Variants in ST18 observed in about 807,000 individuals in gnomAD.
The protein encoded by ST18 is suppression of tumorigenicity 18 protein.
Under a neutral mutation model 110.0 loss-of-function variants are expected in ST18, and 50 were observed. The ratio of observed to expected loss-of-function variants is 0.45; its 90% CI spans 0.36 to 0.58. The LOEUF (loss-of-function observed/expected upper bound fraction) is 0.58, where lower values mean the gene tolerates loss of function less well. Ranked by LOEUF, ST18 falls within the 20% of genes least tolerant of loss-of-function variation. ST18 has a pLI of 0.00. For synonymous variants in ST18, 461 were observed against 452.4 expected (o/e 1.02, Z -0.24); for missense variants, 1,306 against 1,280.1 (o/e 1.02, Z -0.31).
intron 8 of ST18, among the ~76,000 whole-genome samples, chr8:52,211,753 C>T (rs2082244251): frequency 6.6e-6 from 1 of 152,122 alleles, no homozygotes; most frequent in South Asian, 2.1e-4. Context: ...CTCAGCTCTT[C>T]CCTGACCATC....
intron 2 of ST18, among the ~76,000 whole-genome samples, chr8:52,359,160 CAT>C (rs1824537167): frequency 6.6e-6 from 1 of 151,586 alleles, no homozygotes; most frequent in African/African-American, 2.4e-5. Flanking sequence ...ATAAAAAAAG[CAT>C]TTGAGAAAAA....
At chr8:52,145,360 A>T (rs919036749) in intron 16 of ST18, among the ~76,000 whole-genome samples, 6 of 152,170 alleles carry the variant, frequency 3.9e-5, no homozygotes, top group Non-Finnish European at 7.4e-5. Context: ...GGATAATTTT[A>T]TTGCATACGA....
intron 25 of ST18, 98 bp from the exon 26 acceptor site, chr8:52,113,436 G>C (rs898596253): frequency 6.8e-7 from 1 of 1,461,508 alleles, no homozygotes; most frequent in Admixed American, 1.8e-5. Flanking sequence ...CGGGAGTCGG[G>C]AGGGAAGGCA....
At chr8:52,253,470 G>A (rs544498362) in intron 2 of ST18, among the ~76,000 whole-genome samples, 8 of 151,994 alleles carry the variant, frequency 5.3e-5, no homozygotes, top group South Asian at 2.1e-4. Context: ...GAACAGTATC[G>A]TTTTTATAGG....
intron 2 of ST18, among the ~76,000 whole-genome samples, chr8:52,396,120 C>T (rs1841036772): frequency 6.6e-6 from 1 of 151,674 alleles, no homozygotes; most frequent in Non-Finnish European, 1.5e-5. Context: ...ATTAATGTAC[C>T]TTCATCTCAT....
chr8:52,140,988 CT>C, intron 17 of ST18, among the ~76,000 whole-genome samples: 1 of 152,090 alleles, frequency 6.6e-6, no homozygotes, highest in Non-Finnish European at 1.5e-5. Flanking sequence ...TAAGAAGTTT[CT>C]AAGAAGTTAG....
intron 2 of ST18, among the ~76,000 whole-genome samples, chr8:52,339,613 A>C (rs1426648895): frequency 6.6e-6 from 1 of 152,182 alleles, no homozygotes. Context: ...CAGTGGCAAA[A>C]CACTGGGCTG....
intron 2 of ST18, among the ~76,000 whole-genome samples, chr8:52,274,849 C>T (rs1388771284): frequency 2.6e-5 from 4 of 152,064 alleles, no homozygotes; most frequent in Non-Finnish European, 5.9e-5. Flanking sequence ...CCCTTTTCCC[C>T]AATTTTTTGT....
At chr8:52,242,159 C>G (rs1474538064) in intron 2 of ST18, among the ~76,000 whole-genome samples, 1 of 152,168 alleles carries the variant, frequency 6.6e-6, no homozygotes, top group Non-Finnish European at 1.5e-5. Context: ...GGAAACTATA[C>G]AAGCATTATA....
chr8:52,137,362 A>G lies in ST18; in HGVS notation c.2231+59T>C, dbSNP rs899274226. 3.8e-6 allele frequency: 6 copies of G among 1,563,916 alleles called. No homozygotes were observed. The African/African-American group carries it at 5.4e-5, about 14-fold the overall frequency. On this transcript the variant is annotated intron_variant, in intron 18 of 25. Coordinates refer to ENST00000689386, the MANE Select transcript of ST18 (RefSeq NM_001352837.2). ...ATACATGGATAGAAAGGGTGAGAAT[A>G]AGTATTTAAAATAGAACAAGACCAT...
chr8:52,159,156 T>A (rs770925982), intron 14 of ST18, 47 bp from the exon 15 acceptor site: 3 of 1,538,682 alleles, frequency 1.9e-6, no homozygotes, highest in Admixed American at 1.9e-5. Context: ...ATGGTTTTAG[T>A]CATTAAACAG....
chr8:52,125,955 G>A (rs959889945), intron 23 of ST18, 97 bp downstream of exon 23: 8 of 874,404 alleles, frequency 9.1e-6, no homozygotes, highest in Non-Finnish European at 1.2e-5. Context: ...TTAAAATTAT[G>A]CTTCCCACCT....
chr8:52,281,379 G>A lies in ST18; in HGVS notation c.-464-51302C>T, dbSNP rs996239596. Among the ~76,000 whole-genome samples, 32 of 152,096 alleles carry A rather than the reference G, an allele frequency of 2.1e-4. 1 individual carries two copies. The highest frequency in any genetic ancestry group is 1.9e-3 in the Admixed American group (29 of 15,276). ...AGATAAAATTAAGAGGATCAACAAA[G>A]TCAAGCATTGTTCGAAGAGACTAAA... On this transcript the variant is annotated intron_variant, in intron 2 of 25. Coordinates refer to ENST00000689386, the MANE Select transcript of ST18 (RefSeq NM_001352837.2).
intron 22 of ST18, among the ~76,000 whole-genome samples, chr8:52,130,315 G>A (rs1017591534): frequency 6.6e-6 from 1 of 152,120 alleles, no homozygotes; most frequent in Non-Finnish European, 1.5e-5. Flanking sequence ...TTTTAGAGAT[G>A]GGGTCTTGTT....
rs147365550 is a variant in ST18, at chr8:52,200,034, T to C, written c.86+12045A>G. The stretch of plus-strand genomic sequence containing the variant: ...TTAGCTTTCAAAAACTATGAGTTCC[T>C]GTGTCTCATTCCAGTGCCTTCTATA... On this transcript the variant is annotated intron_variant, in intron 8 of 25. Coordinates refer to ENST00000689386, the MANE Select transcript of ST18 (RefSeq NM_001352837.2). Among the ~76,000 whole-genome samples the C allele has an allele frequency of 2.6e-3, 403 of 152,358 alleles. 2 individuals carry two copies. The highest frequency in any genetic ancestry group is 4.1e-3 in the Non-Finnish European group (282 of 68,038).
chr8:52,222,453 G>T (rs139133806), intron 3 of ST18, among the ~76,000 whole-genome samples: 167 of 152,280 alleles, frequency 1.1e-3, no homozygotes, highest in Middle Eastern at 6.8e-3. Flanking sequence ...CCCATCTGCC[G>T]TGGCTCCCCT....
chr8:52,119,284 T>C (rs539568292), intron 23 of ST18, among the ~76,000 whole-genome samples: 2 of 152,280 alleles, frequency 1.3e-5, no homozygotes, highest in African/African-American at 4.8e-5. Context: ...AGAAGGAGTA[T>C]GACTACATTT....
chr8:52,338,393 C>A (rs956911423), intron 2 of ST18, among the ~76,000 whole-genome samples: 5 of 151,950 alleles, frequency 3.3e-5, no homozygotes, highest in Non-Finnish European at 7.4e-5. Context: ...TCTGGGGATT[C>A]CTAATACAAA....
chr8:52,358,593 C>T (rs1824220215), intron 2 of ST18, among the ~76,000 whole-genome samples: 1 of 151,710 alleles, frequency 6.6e-6, no homozygotes, highest in Admixed American at 6.6e-5. Context: ...AACTAGATAA[C>T]CTCAATGAAA....
Sources: allele counts gnomAD v4.1 joint callset (sites outside exome capture counted in the v4.1 genomes callset), GRCh38; gene constraint gnomAD v4.1.1; transcripts MANE v1.5; gene names NCBI Gene and HGNC (gene_info 2026-07-23, HGNC 2026-07-21).